Variants in MARCHF7 observed in about 807,000 individuals in gnomAD.
The protein encoded by MARCHF7 is E3 ubiquitin-protein ligase MARCHF7.
Under a neutral mutation model 76.5 loss-of-function variants are expected in MARCHF7, and 20 were observed. The observed-to-expected ratio is 0.26, with a 90% CI of 0.18 to 0.38. The LOEUF (loss-of-function observed/expected upper bound fraction) is 0.38. Among genes scored for constraint, MARCHF7 ranks in the 10% least tolerant of loss-of-function variants. MARCHF7 has a pLI of 1.00. For missense variants in MARCHF7, 797 were observed against 812.9 expected, an observed-to-expected ratio of 0.98 and a Z score of 0.24; for synonymous variants, 295 against 293.0, an observed-to-expected ratio of 1.01 and a Z score of -0.07.
chr2:159,719,089 C>T (rs1701344504), intron 3 of MARCHF7, among the ~76,000 whole-genome samples: 2 of 152,188 alleles, frequency 1.3e-5, no homozygotes, highest in Admixed American at 6.5e-5. Flanking sequence ...AATTCTCCTA[C>T]CTCAGTTTCC....
chr2:159,718,888 A>G (rs1701317076), intron 3 of MARCHF7, among the ~76,000 whole-genome samples: 1 of 152,214 alleles, frequency 6.6e-6, no homozygotes, highest in African/African-American at 2.4e-5. Flanking sequence ...GGAAAACAGT[A>G]AATAAATCAG....
At position 159,729,172 on chromosome 2, in the gene MARCHF7, T is replaced by C. The variant is rs575696496; in HGVS notation, c.150T>C (p.Tyr50=). 528 of 1,590,662 alleles carry C rather than the reference T, an allele frequency of 3.3e-4. 2 individuals carry two copies. In the South Asian group the frequency reaches 5.5e-3, roughly 17 times the overall value. Residue 50 remains tyrosine (Y), a synonymous_variant, in exon 4 of 12, where the codon TAT becomes TAC. Transcript: ENST00000409175. ...RDSSFRLDSE[Y]QSTSASASAS... is the part of the protein sequence containing the mutation. ...CTTCATTTAGATTGGATTCTGAATA[T>C]CAGGTAACATTTTTATTTGGAATAT... is the stretch of plus-strand genomic sequence containing the variant.
intron 4 of MARCHF7, among the ~76,000 whole-genome samples, chr2:159,737,147 G>A (rs761944923): frequency 6.6e-5 from 10 of 152,192 alleles, no homozygotes; most frequent in East Asian, 1.9e-4. Context: ...GCTCATAGTC[G>A]GGAGGCAGGA....
At chr2:159,718,792 A>G (rs577634798) in intron 3 of MARCHF7, among the ~76,000 whole-genome samples, 35 of 152,240 alleles carry the variant, frequency 2.3e-4, no homozygotes, top group Non-Finnish European at 3.5e-4. Flanking sequence ...ATAGTACCCC[A>G]AATTCTACTA....
At chr2:159,746,010 A>G (rs1391019264) in intron 6 of MARCHF7, 73 bp downstream of exon 6, 42 of 1,253,064 alleles carry the variant, frequency 3.4e-5, no homozygotes, top group Non-Finnish European at 4.7e-5. Context: ...TACTAAAACA[A>G]CAGTACAAAG....
chr2:159,752,628 C>A, intron 8 of MARCHF7, 57 bp downstream of exon 8: 1 of 1,338,654 alleles, frequency 7.5e-7, no homozygotes, highest in Non-Finnish European at 9.8e-7. Context: ...TGTATGTATG[C>A]GTTTGGTTAA....
At chr2:159,752,366 T>C (rs1368282761) in intron 7 of MARCHF7, 36 bp from the exon 8 acceptor site, 1 of 1,518,080 alleles carries the variant, frequency 6.6e-7, no homozygotes, top group African/African-American at 1.4e-5. Context: ...CCAGGATGAG[T>C]TATGATAGCT....
chr2:159,743,284 C>A (rs770645275), intron 5 of MARCHF7, 31 bp downstream of exon 5: 2 of 1,582,926 alleles, frequency 1.3e-6, no homozygotes, highest in South Asian at 1.1e-5. Flanking sequence ...GTATTTTAAG[C>A]CGTTTTTCTC....
At chr2:159,716,980 G>A (rs1701109549) in intron 3 of MARCHF7, among the ~76,000 whole-genome samples, 2 of 152,150 alleles carry the variant, frequency 1.3e-5, no homozygotes, top group South Asian at 2.1e-4. Context: ...TACTGATTTT[G>A]CCCGGGGCTT....
At chr2:159,717,832 G>C (rs983478173) in intron 3 of MARCHF7, among the ~76,000 whole-genome samples, 2 of 151,994 alleles carry the variant, frequency 1.3e-5, no homozygotes, top group Non-Finnish European at 2.9e-5. Context: ...TAATAAAAAT[G>C]GCTATTTCTT....
chr2:159,721,343 GC>G (rs1355312450), intron 3 of MARCHF7, among the ~76,000 whole-genome samples: 1 of 152,116 alleles, frequency 6.6e-6, no homozygotes, highest in Non-Finnish European at 1.5e-5. Flanking sequence ...CATAGCTAAA[GC>G]AAGCCCACAG....
chr2:159,732,987 G>C, intron 4 of MARCHF7: 1 of 913,608 alleles, frequency 1.1e-6, no homozygotes, highest in Non-Finnish European at 1.3e-6. Context: ...GAAGCACTTG[G>C]AACAGTGCCT....
At position 159,769,622 on chromosome 2, in the gene MARCHF7, G is replaced by T. The variant is rs1250295693; in HGVS notation, c.*2280G>T. On this transcript the variant is annotated 3_prime_UTR_variant, in exon 12 of 12. Coordinates refer to ENST00000409175, the MANE Select transcript of MARCHF7 (RefSeq NM_001282805.2). ...GATCGAGCCACTGCACTGTAGCCTG[G>T]GCAGCACAGTGAGACTCCATCATAT... The T allele has an allele frequency of 6.9e-6, 1 of 144,962 alleles. No individual in the cohort carries two copies. Among genetic ancestry groups the T allele is most frequent in the East Asian group, 2.0e-4 (1 of 5,028 alleles). 9.0% of individuals were successfully genotyped at this position (144,962 alleles called of 1,614,324 possible).
At chr2:159,726,264 G>A (rs866170846) in intron 3 of MARCHF7, among the ~76,000 whole-genome samples, 4 of 81,728 alleles carry the variant, frequency 4.9e-5, no homozygotes, top group African/African-American at 2.2e-4. Context: ...GTTTTGTTTT[G>A]TTTTGTTTTG....
Position 159,767,943 on chromosome 2 carries a change from TATATAA to T in MARCHF7, c.*609_*614del, listed in dbSNP as rs1033336323. On this transcript the variant is annotated 3_prime_UTR_variant, in exon 12 of 12. Coordinates refer to ENST00000409175, the MANE Select transcript of MARCHF7 (RefSeq NM_001282805.2). Reference sequence around the variant, plus strand: ...GCAATAAAATCTAATTTTTAAAAAGTATATAAATATAAAATGTATAAATGATGGATA... The same window carrying T: ...GCAATAAAATCTAATTTTTAAAAAGTATATAAAATGTATAAATGATGGATA... The T allele has an allele frequency of 2.0e-5, 3 of 152,516 alleles. No individual in the cohort carries two copies. The highest frequency in any genetic ancestry group is 4.4e-5 in the Non-Finnish European group (3 of 67,966). The allele number at this position is 152,516 out of a possible 1,614,324, so 9.4% of individuals were successfully genotyped here. A position where few individuals can be genotyped will look rare whatever the true frequency, so the allele number is the denominator to read the frequency against.
chr2:159,714,423 G>A (rs1385805986), intron 1 of MARCHF7, 134 bp from the exon 2 acceptor site: 1 of 152,096 alleles, frequency 6.6e-6, no homozygotes, highest in Non-Finnish European at 1.5e-5. Context: ...TGGTTCTGTG[G>A]GAGCATAGGG....
chr2:159,750,235 A>G (rs549465355), intron 7 of MARCHF7, among the ~76,000 whole-genome samples: 1 of 152,316 alleles, frequency 6.6e-6, no homozygotes, highest in East Asian at 1.9e-4. Flanking sequence ...TTTAACAGAG[A>G]TACCAGTTTA....
At chr2:159,724,812 C>T (rs1196021390) in intron 3 of MARCHF7, among the ~76,000 whole-genome samples, 2 of 152,120 alleles carry the variant, frequency 1.3e-5, no homozygotes, top group Non-Finnish European at 2.9e-5. Context: ...AGATATTTCT[C>T]TTAATGCCAT....
chr2:159,717,309 A>G (rs111228914), intron 3 of MARCHF7, among the ~76,000 whole-genome samples: 1 of 152,300 alleles, frequency 6.6e-6, no homozygotes, highest in Non-Finnish European at 1.5e-5. Context: ...ATTTGTAGCC[A>G]TATTTTGTAA....
Sources: allele counts gnomAD v4.1 joint callset (sites outside exome capture counted in the v4.1 genomes callset), GRCh38; gene constraint gnomAD v4.1.1; transcripts MANE v1.5; gene names NCBI Gene and HGNC (gene_info 2026-07-23, HGNC 2026-07-21).